OTUD6B: variants seen among roughly 807,000 people sequenced by gnomAD.
The protein encoded by OTUD6B is OTU deubiquitinase 6B, also known as deubiquitinase OTUD6B.
Under a neutral mutation model 36.9 loss-of-function variants are expected in OTUD6B, and 41 were observed. That is an observed-to-expected ratio of 1.11 (90% CI 0.87 to 1.44). The LOEUF (loss-of-function observed/expected upper bound fraction) is 1.44. Ranked by LOEUF, OTUD6B falls within the 40% of genes most tolerant of loss-of-function variation. The probability of loss-of-function intolerance (pLI) is 0.00; values close to 1 mark genes in which losing one functional copy is unlikely to be tolerated. For missense variants in OTUD6B, 356 were observed against 344.8 expected (o/e 1.03, Z -0.26); for synonymous variants, 114 against 114.2 (o/e 1.00, Z 0.01).
At position 91,078,665 on chromosome 8, in the gene OTUD6B, C is replaced by G; in HGVS notation, c.625C>G (p.Pro209Ala). The change falls in exon 4 of 7, where the codon CCA becomes GCA. Residue 209 changes from proline (P) to alanine (A), a missense_variant. Physicochemically the swap from Pro to Ala is conservative, Grantham distance 27. Coordinates refer to ENST00000404789, the MANE Select transcript of OTUD6B (RefSeq NM_016023.5). ...CCCTAATACAGGAGATATGTATACT[C>G]CAGGTAATTTATTTTTCTTTACTAT... The part of the protein sequence containing the change: ...TNPNTGDMYT[P>A]EEFQKYCEDI... The G allele has an allele frequency of 6.5e-7, 1 of 1,533,326 alleles. No homozygotes were observed. Among genetic ancestry groups the G allele is most frequent in the Non-Finnish European group, 8.8e-7 (1 of 1,135,854 alleles). The allele number at this position is 1,533,326 out of a possible 1,614,324, so 95.0% of individuals were successfully genotyped here. A position where few individuals can be genotyped will look rare whatever the true frequency, so the allele number is the denominator to read the frequency against.
intron 5 of OTUD6B, among the ~76,000 whole-genome samples, chr8:91,082,744 T>C (rs1812930703): frequency 7.5e-6 from 1 of 134,030 alleles, no homozygotes; most frequent in Admixed American, 7.4e-5. Flanking sequence ...TGGTCATATG[T>C]CTTTTTTTTT....
chr8:91,078,427 A>G lies in OTUD6B; in HGVS notation c.387A>G (p.Gly129=), dbSNP rs768927012. Residue 129 remains glycine (G), a synonymous_variant, in exon 4 of 7, where the codon GGA becomes GGG. Transcript: ENST00000404789. ...IAEAEIENLT[G]ARHMESEKLA... ...AAGCTGAAATTGAAAACTTAACAGGAGCCAGACATATGGAAAGTGAGAAAC... is the reference window on the plus strand; with the variant it reads ...AAGCTGAAATTGAAAACTTAACAGGGGCCAGACATATGGAAAGTGAGAAAC... The G allele has an allele frequency of 1.3e-6, 2 of 1,598,872 alleles. No homozygotes were observed. Among genetic ancestry groups the G allele is most frequent in the Non-Finnish European group, 1.7e-6 (2 of 1,171,856 alleles).
intron 5 of OTUD6B, among the ~76,000 whole-genome samples, chr8:91,082,218 G>A (rs1032770833): frequency 2.0e-5 from 3 of 152,052 alleles, no homozygotes; most frequent in African/African-American, 4.8e-5. Context: ...TCAAAGGAAC[G>A]TTTTTGATTT....
Position 91,085,687 on chromosome 8 carries a change from T to C in OTUD6B, c.*819T>C, listed in dbSNP as rs999750997. On this transcript the variant is annotated 3_prime_UTR_variant, in exon 7 of 7. Coordinates refer to ENST00000404789, the MANE Select transcript of OTUD6B (RefSeq NM_016023.5). Reference sequence around the variant, plus strand: ...CTCTTGAGTCTTTCATAACTACACATTTTTATATTTCCTTTTGTGTTTTCT... The same window carrying C: ...CTCTTGAGTCTTTCATAACTACACACTTTTATATTTCCTTTTGTGTTTTCT... 2 of 152,078 alleles carry C rather than the reference T, an allele frequency of 1.3e-5. No individual in the cohort carries two copies. The highest frequency in any genetic ancestry group is 4.8e-5 in the African/African-American group (2 of 41,434). The allele number at this position is 152,078 out of a possible 1,614,324, so 9.4% of individuals were successfully genotyped here.
rs1812665505 is a variant in OTUD6B, at chr8:91,070,467, G to C, written c.82+1G>C. 3.2e-6 allele frequency: 5 copies of C among 1,563,014 alleles called. No homozygotes were observed. The highest frequency in any genetic ancestry group is 4.3e-6 in the Non-Finnish European group (5 of 1,153,530). ...CGCAAAGAGAAGAAGGAGTTGCAAG[G>C]TGAGGCGGAAGGAAGTGGGAATCTG... On this transcript the variant is annotated splice_donor_variant, in intron 1 of 6. Coordinates refer to ENST00000404789, the MANE Select transcript of OTUD6B (RefSeq NM_016023.5). LOFTEE classifies it high-confidence loss of function.
chr8:91,070,798 G>A (rs1812678844), intron 1 of OTUD6B, among the ~76,000 whole-genome samples: 1 of 151,970 alleles, frequency 6.6e-6, no homozygotes, highest in South Asian at 2.1e-4. Context: ...ACCGATACTT[G>A]TCCCTAATGG....
chr8:91,076,532 A>T lies in OTUD6B; in HGVS notation c.316-1824A>T. 11 of 1,523,872 alleles carry T rather than the reference A, an allele frequency of 7.2e-6. No individual in the cohort carries two copies. The South Asian group carries it at 1.3e-4, about 18-fold the overall frequency. The allele number at this position is 1,523,872 out of a possible 1,614,324, so 94.4% of individuals were successfully genotyped here. ...AAGATAAAGTGCCACTCTTTCAGTAAATAGTACATGACATCATTAACTCCA... is the reference window on the plus strand; with the variant it reads ...AAGATAAAGTGCCACTCTTTCAGTATATAGTACATGACATCATTAACTCCA... On this transcript the variant is annotated intron_variant, in intron 3 of 6. Coordinates refer to ENST00000404789, the MANE Select transcript of OTUD6B (RefSeq NM_016023.5).
Position 91,084,915 on chromosome 8 carries a change from G to T in OTUD6B, c.*47G>T. On this transcript the variant is annotated 3_prime_UTR_variant, in exon 7 of 7. Coordinates refer to ENST00000404789, the MANE Select transcript of OTUD6B (RefSeq NM_016023.5). ...ATGTTTTAATACAGTGTGCTGAACT[G>T]AGTATTTCTACCAAGTGTTGGGTTG... The T allele has an allele frequency of 1.1e-6, 1 of 925,998 alleles. No individual in the cohort carries two copies. The highest frequency in any genetic ancestry group is 1.6e-6 in the Non-Finnish European group (1 of 625,280). The allele number at this position is 925,998 out of a possible 1,614,324, so 57.4% of individuals were successfully genotyped here.
rs1330374921 is a variant in OTUD6B at position 91,073,960 on chromosome 8, T to G, written c.315+49T>G. On this transcript the variant is annotated intron_variant, in intron 3 of 6. Coordinates refer to ENST00000404789, the MANE Select transcript of OTUD6B (RefSeq NM_016023.5). The stretch of plus-strand genomic sequence containing the variant: ...ATATAAGTTAGTGCTGTGTGTTCAA[T>G]ACTATCTTAGGTACTATCTTAGGTC... 3.2e-6 allele frequency: 4 copies of G among 1,254,008 alleles called. No homozygotes were observed. The African/African-American group carries it at 6.0e-5, about 19-fold the overall frequency. 77.7% of individuals were successfully genotyped at this position (1,254,008 alleles called of 1,614,324 possible).
intron 3 of OTUD6B, 31 bp from the exon 4 acceptor site, chr8:91,078,325 A>C (rs1439048283): frequency 6.6e-7 from 1 of 1,510,278 alleles, no homozygotes; most frequent in African/African-American, 1.4e-5. Context: ...AATTATTATG[A>C]ATTAACTTTC....
At chr8:91,083,250 A>G (rs776965508) in intron 5 of OTUD6B, among the ~76,000 whole-genome samples, 3 of 152,140 alleles carry the variant, frequency 2.0e-5, no homozygotes, top group Non-Finnish European at 4.4e-5. Context: ...AAAACTTTAA[A>G]AAAATAAATA....
chr8:91,075,391 A>G (rs567364458), intron 3 of OTUD6B, among the ~76,000 whole-genome samples: 1 of 152,196 alleles, frequency 6.6e-6, no homozygotes, highest in African/African-American at 2.4e-5. Context: ...AATTACGTCT[A>G]CTTAGTAATT....
intron 2 of OTUD6B, among the ~76,000 whole-genome samples, chr8:91,072,285 T>C (rs1192689409): frequency 6.6e-6 from 1 of 152,176 alleles, no homozygotes; most frequent in African/African-American, 2.4e-5. Context: ...ATTAAGAACT[T>C]TGTCCAGGAG....
In OTUD6B at chr8:91,080,733, A is replaced by T. The variant is rs1233165850; in HGVS notation, c.690+3A>T. ...CTGCATGGGGAGGTCAGCTTGAGGT[A>T]AGTTTGTAGTTATTCATAGTGATTG... is the stretch of plus-strand genomic sequence containing the variant. On this transcript the variant is annotated splice_donor_region_variant and intron_variant, in intron 5 of 6. Coordinates refer to ENST00000404789, the MANE Select transcript of OTUD6B (RefSeq NM_016023.5). The T allele has an allele frequency of 6.3e-7, 1 of 1,592,402 alleles. No homozygotes were observed. The highest frequency in any genetic ancestry group is 2.2e-5 in the East Asian group (1 of 44,562).
intron 1 of OTUD6B, 80 bp downstream of exon 1, chr8:91,070,546 C>T (rs1014386086): frequency 7.5e-7 from 1 of 1,325,528 alleles, no homozygotes; most frequent in South Asian, 1.3e-5. Flanking sequence ...TGGGGAATCT[C>T]AAGGCGTGAC....
chr8:91,080,302 G>A (rs898811289), intron 4 of OTUD6B, among the ~76,000 whole-genome samples: 1 of 151,980 alleles, frequency 6.6e-6, no homozygotes, highest in Non-Finnish European at 1.5e-5. Context: ...GTCTTTCATG[G>A]TATTCCTTTG....
rs1170256717 is a variant in OTUD6B at position 91,073,650 on chromosome 8, A to G, written c.235-181A>G. 3 of 539,724 alleles carry G rather than the reference A, an allele frequency of 5.6e-6. No individual in the cohort carries two copies. In the African/African-American group the frequency reaches 6.2e-5, roughly 11 times the overall value. The allele number at this position is 539,724 out of a possible 1,614,324, so 33.4% of individuals were successfully genotyped here. On this transcript the variant is annotated intron_variant, in intron 2 of 6. Coordinates refer to ENST00000404789, the MANE Select transcript of OTUD6B (RefSeq NM_016023.5). The stretch of plus-strand genomic sequence containing the variant: ...ATGCAGGGATGAGCATGATCTTTGA[A>G]AGAAACTTCTTGGGAACTTGTCAAA...
At chr8:91,073,957 C>A in intron 3 of OTUD6B, 46 bp downstream of exon 3, 1 of 1,259,444 alleles carries the variant, frequency 7.9e-7, no homozygotes, top group South Asian at 1.3e-5. Flanking sequence ...GCTGTGTGTT[C>A]AATACTATCT....
chr8:91,076,677 G>C (rs900924702), intron 3 of OTUD6B: 1 of 1,426,288 alleles, frequency 7.0e-7, no homozygotes, highest in South Asian at 1.2e-5. Context: ...ATCTTTCTGC[G>C]TGCTGTTTCC....
Sources: gnomAD v4.1 joint callset for allele counts (sites outside exome capture counted in the v4.1 genomes callset) on GRCh38, gnomAD v4.1.1 for gene constraint, MANE v1.5 for transcripts, NCBI Gene and HGNC (gene_info 2026-07-23, HGNC 2026-07-21) for gene names.